ANKRD28: variants seen among roughly 807,000 people sequenced by gnomAD.
The protein encoded by ANKRD28 is ankyrin repeat domain 28, also known as serine/threonine-protein phosphatase 6 regulatory ankyrin repeat subunit A.
ANKRD28 carries 44 observed loss-of-function variants against 126.5 expected under a neutral mutation model. The ratio of observed to expected loss-of-function variants is 0.35; its 90% CI spans 0.27 to 0.45. The LOEUF is 0.45. ANKRD28 is among the 20% of genes least tolerant of loss of function. The pLI is 1.00. For synonymous variants in ANKRD28, 442 were observed against 468.5 expected, an observed-to-expected ratio of 0.94 and a Z score of 0.73; for missense variants, 1,110 against 1,316.6, an observed-to-expected ratio of 0.84 and a Z score of 2.43.
At chr3:15,708,092 G>C in intron 13 of ANKRD28, 28 bp from the exon 14 acceptor site, 2 of 1,577,346 alleles carry the variant, frequency 1.3e-6, no homozygotes, top group Non-Finnish European at 1.7e-6. Flanking sequence ...ATACAAGAAA[G>C]ATAAAAGCCA....
chr3:15,735,067 G>T (rs2074927435), intron 6 of ANKRD28, among the ~76,000 whole-genome samples: 1 of 152,128 alleles, frequency 6.6e-6, no homozygotes, highest in African/African-American at 2.4e-5. Context: ...GCTTCTTAAT[G>T]CATCTTTGTT....
intron 2 of ANKRD28, among the ~76,000 whole-genome samples, chr3:15,782,643 T>C (rs2059589919): frequency 6.6e-6 from 1 of 152,116 alleles, no homozygotes; most frequent in Non-Finnish European, 1.5e-5. Context: ...CCATACTCAC[T>C]AAACTTTGGG....
intron 14 of ANKRD28, among the ~76,000 whole-genome samples, chr3:15,702,959 G>A (rs2070832343): frequency 6.6e-6 from 1 of 152,150 alleles, no homozygotes; most frequent in African/African-American, 2.4e-5. Flanking sequence ...TCGTGACAGA[G>A]TTTAGACTAG....
At chr3:15,675,719 T>C (rs986176960) in intron 27 of ANKRD28, among the ~76,000 whole-genome samples, 179 bp downstream of exon 27, 2 of 152,236 alleles carry the variant, frequency 1.3e-5, no homozygotes, top group African/African-American at 2.4e-5. Flanking sequence ...CGGAAGTACA[T>C]CTGTTAGATA....
upstream of ANKRD28, chr3:15,798,166 T>C (rs921679876): frequency 9.1e-6 from 9 of 985,316 alleles, no homozygotes; most frequent in Non-Finnish European, 1.1e-5. Context: ...TCTGGTGTAC[T>C]GCCTCTGCTG....
rs1438218103 is a variant in ANKRD28, at chr3:15,716,300, T to TC, written c.997-1645dup. On this transcript the variant is annotated intron_variant, in intron 8 of 27. Coordinates refer to ENST00000683139, the MANE Select transcript of ANKRD28 (RefSeq NM_001349278.2). ...CCTGGACTTTTTTTTTTTTTTTTTTTCCCTTAAAGAGATGGGGGTCTTGGT... is the reference window on the plus strand; with the variant it reads ...CCTGGACTTTTTTTTTTTTTTTTTTTCCCCTTAAAGAGATGGGGGTCTTGGT... Among the ~76,000 whole-genome samples the TC allele has an allele frequency of 4.5e-3, 668 of 149,166 alleles. 8 individuals are homozygous for TC. The highest frequency in any genetic ancestry group is 0.033 in the East Asian group (171 of 5,124).
At chr3:15,675,546 G>A (rs762345445) in intron 27 of ANKRD28, among the ~76,000 whole-genome samples, 1 of 152,214 alleles carries the variant, frequency 6.6e-6, no homozygotes, top group Non-Finnish European at 1.5e-5. Context: ...ACAGGATCTA[G>A]TGCATGAGTA....
intron 1 of ANKRD28, among the ~76,000 whole-genome samples, chr3:15,824,367 G>C (rs1432265190): frequency 6.6e-6 from 1 of 152,114 alleles, no homozygotes; most frequent in Non-Finnish European, 1.5e-5. Context: ...CGTTGCCCAG[G>C]CTGGTCTTGA....
upstream of ANKRD28, among the ~76,000 whole-genome samples, chr3:15,802,977 A>T (rs999064027): frequency 6.6e-6 from 1 of 152,242 alleles, no homozygotes; most frequent in African/African-American, 2.4e-5. Context: ...ATAAAAAAAA[A>T]TGTCTGAAAG....
intron 2 of ANKRD28, among the ~76,000 whole-genome samples, chr3:15,778,814 A>G (rs1003946398): frequency 3.9e-5 from 6 of 152,204 alleles, no homozygotes; most frequent in Admixed American, 6.5e-5. Context: ...TTAAATTGTA[A>G]TAATCCCTAC....
intron 25 of ANKRD28, 121 bp downstream of exon 25, chr3:15,677,359 C>A (rs753943620): frequency 1.4e-5 from 10 of 702,492 alleles, no homozygotes; most frequent in Non-Finnish European, 2.4e-5. Context: ...TTCAAGAAAT[C>A]TAATACCAGT....
chr3:15,705,182 C>T (rs1485200160), intron 14 of ANKRD28, among the ~76,000 whole-genome samples: 2 of 152,112 alleles, frequency 1.3e-5, no homozygotes, highest in African/African-American at 4.8e-5. Flanking sequence ...AAAGTCATTG[C>T]TTACTTGCTC....
At chr3:15,851,583 AT>A (rs2061652466) in intron 1 of ANKRD28, among the ~76,000 whole-genome samples, 3 of 107,618 alleles carry the variant, frequency 2.8e-5, no homozygotes, top group African/African-American at 9.2e-5. Context: ...AAATAAATAA[AT>A]AAATAAAAGA....
At chr3:15,807,873 T>C (rs2060620406) in intron 1 of ANKRD28, among the ~76,000 whole-genome samples, 1 of 152,224 alleles carries the variant, frequency 6.6e-6, no homozygotes, top group Non-Finnish European at 1.5e-5. Flanking sequence ...ATAATACTTT[T>C]ATCTGGCATT....
Position 15,797,221 on chromosome 3 carries a change from A to AAAC in ANKRD28, c.-701_-700insGTT. The stretch of plus-strand genomic sequence containing the variant: ...CAAAAAACAAAAACAAAAAAAAAAA[A>AAAC]ACCACTCTGCATTAATAGCAAAGCT... On this transcript the variant is annotated 5_prime_UTR_variant, in exon 1 of 28. Transcript: ENST00000683139. 2.3e-6 allele frequency: 2 copies of AAAC among 858,404 alleles called. No homozygotes were observed. The highest frequency in any genetic ancestry group is 2.8e-6 in the Non-Finnish European group (2 of 715,170). The allele number at this position is 858,404 out of a possible 1,614,324, so 53.2% of individuals were successfully genotyped here.
At chr3:15,713,501 T>C in intron 10 of ANKRD28, 26 bp downstream of exon 10, 2 of 1,579,114 alleles carry the variant, frequency 1.3e-6, no homozygotes, top group Non-Finnish European at 1.7e-6. Flanking sequence ...CCTGTATCAG[T>C]TATCAACACC....
chr3:15,732,389 T>C (rs1320122689), intron 6 of ANKRD28: 1 of 152,334 alleles, frequency 6.6e-6, no homozygotes, highest in African/African-American at 2.4e-5. Context: ...CAGAGCTGTA[T>C]GTGGAGAGGT....
intron 1 of ANKRD28, among the ~76,000 whole-genome samples, chr3:15,849,911 A>C (rs1293034492): frequency 6.6e-6 from 1 of 152,148 alleles, no homozygotes; most frequent in South Asian, 2.1e-4. Flanking sequence ...GCCTGGTGTC[A>C]ATGTGGTTTC....
At chr3:15,783,805 C>T (rs1010489600) in intron 2 of ANKRD28, among the ~76,000 whole-genome samples, 2 of 151,860 alleles carry the variant, frequency 1.3e-5, no homozygotes, top group African/African-American at 4.8e-5. Flanking sequence ...CCCAAATGAA[C>T]GTCAGATAAC....
Sources: gnomAD v4.1 joint callset for allele counts (sites outside exome capture counted in the v4.1 genomes callset) on GRCh38, gnomAD v4.1.1 for gene constraint, MANE v1.5 for transcripts, NCBI Gene and HGNC (gene_info 2026-07-23, HGNC 2026-07-21) for gene names.